ADGB: variants seen among roughly 807,000 people sequenced by gnomAD.
ADGB encodes calpain-7-like protein.
In ADGB, 172 loss-of-function variants were observed where a neutral mutation model predicts 210.5. The ratio of observed to expected loss-of-function variants is 0.82; its 90% confidence interval spans 0.72 to 0.93. The LOEUF is 0.93. Ranked by LOEUF, ADGB falls within the 40% of genes least tolerant of loss-of-function variation. The probability of loss-of-function intolerance (pLI) is 0.00; values close to 1 mark genes in which losing one functional copy is unlikely to be tolerated. For synonymous variants in ADGB, 658 were observed against 662.7 expected, an observed-to-expected ratio of 0.99 and a Z score of 0.11; for missense variants, 2,025 against 1,964.8, an observed-to-expected ratio of 1.03 and a Z score of -0.58.
intron 27 of ADGB, among the ~76,000 whole-genome samples, chr6:146,754,244 TTC>T (rs1456900781): frequency 6.6e-6 from 1 of 151,328 alleles, no homozygotes; most frequent in African/African-American, 2.4e-5. Flanking sequence ...ATATAATGTA[TTC>T]TTTTTTATTT....
intron 5 of ADGB, among the ~76,000 whole-genome samples, chr6:146,663,196 T>C (rs1246825579): frequency 7.0e-6 from 1 of 143,056 alleles, no homozygotes; most frequent in Non-Finnish European, 1.5e-5. Flanking sequence ...TATAATAATA[T>C]TAAGGTTTTT....
intron 28 of ADGB, among the ~76,000 whole-genome samples, chr6:146,767,416 A>G (rs533006760): frequency 5.9e-5 from 9 of 152,352 alleles, no homozygotes; most frequent in South Asian, 2.1e-4. Context: ...CTTACTTATT[A>G]CTTACTATGC....
At chr6:146,791,914 C>A (rs938526612) in intron 33 of ADGB, among the ~76,000 whole-genome samples, 1 of 144,708 alleles carries the variant, frequency 6.9e-6, no homozygotes, top group South Asian at 2.2e-4. Flanking sequence ...TGTGCCACTG[C>A]ACCTTGCTTT....
rs1268488296 is a variant in ADGB at position 146,716,801 on chromosome 6, TAA to T, written c.1742-81_1742-80del. ...TTTCCCAAAAATAGACTTTGATATTTAAGTTTCCCTTTATCATTTTACATATT... is the reference window on the plus strand; with the variant it reads ...TTTCCCAAAAATAGACTTTGATATTTGTTTCCCTTTATCATTTTACATATT... On this transcript the variant is annotated intron_variant, in intron 14 of 35. Coordinates refer to ENST00000397944, the MANE Select transcript of ADGB (RefSeq NM_024694.4). The T allele has an allele frequency of 2.3e-6, 3 of 1,319,444 alleles. No homozygotes were observed. In the African/African-American group the frequency reaches 4.5e-5, roughly 20 times the overall value. The allele number at this position is 1,319,444 out of a possible 1,614,324, so 81.7% of individuals were successfully genotyped here.
At chr6:146,688,524 C>T (rs909594159) in intron 10 of ADGB, among the ~76,000 whole-genome samples, 1 of 152,064 alleles carries the variant, frequency 6.6e-6, no homozygotes, top group Non-Finnish European at 1.5e-5. Flanking sequence ...GGGGAGAAGA[C>T]TTAAAGGCAG....
chr6:146,722,662 T>G (rs1776838642), intron 17 of ADGB, among the ~76,000 whole-genome samples: 1 of 152,178 alleles, frequency 6.6e-6, no homozygotes. Context: ...ACATTCTCTC[T>G]CTCTTCAAAT....
chr6:146,775,398 C>T (rs1248792708), intron 29 of ADGB, among the ~76,000 whole-genome samples: 2 of 152,016 alleles, frequency 1.3e-5, no homozygotes, highest in African/African-American at 4.8e-5. Context: ...GCAACAGTGC[C>T]ACCTTTAGTA....
rs1486470997 is a variant in ADGB, at chr6:146,635,463, G to A, written c.163G>A (p.Asp55Asn). Residue 55 changes from aspartate to asparagine, a missense_variant, in exon 2 of 36, where the codon GAC becomes AAC. Asp to Asn is a conservative substitution (Grantham distance 23). Coordinates refer to ENST00000397944, the MANE Select transcript of ADGB (RefSeq NM_024694.4). ...ACTCTGGCCAGAGTGGAGTGAAGCT[G>A]ACATAAATTCAGAAAAGTGGGATGC... ...FPLWPEWSEA[D>N]INSEKWDAGK... is the part of the protein sequence containing the mutation. 2 of 1,548,232 alleles carry A rather than the reference G, an allele frequency of 1.3e-6. No individual in the cohort carries two copies. The highest frequency in any genetic ancestry group is 1.7e-6 in the Non-Finnish European group (2 of 1,145,248).
intron 13 of ADGB, among the ~76,000 whole-genome samples, chr6:146,714,315 G>GT (rs61107324): frequency 1.3e-3 from 188 of 146,000 alleles, no homozygotes; most frequent in Middle Eastern, 3.6e-3. Context: ...TGTGCATCTT[G>GT]TTTTTTTTTT....
intron 2 of ADGB, among the ~76,000 whole-genome samples, chr6:146,635,823 C>T (rs187127488): frequency 7.2e-5 from 11 of 151,848 alleles, no homozygotes; most frequent in South Asian, 2.1e-4. Context: ...GTTAGCCAGT[C>T]GACATTGGAC....
In ADGB at chr6:146,770,560, A is replaced by G. The variant is rs567368893; in HGVS notation, c.3862+1429A>G. On this transcript the variant is annotated intron_variant, in intron 29 of 35. Transcript: ENST00000397944. The stretch of plus-strand genomic sequence containing the variant: ...TCTCTAGCACTAGTGGGAGATGTCA[A>G]TAAGTGTTTAATGAATGAATGCATG... 5.2e-4 allele frequency: 246 copies of G among 469,696 alleles called. 3 individuals carry two copies. Among genetic ancestry groups the G allele is most frequent in the South Asian group, 3.3e-3 (214 of 64,426 alleles). The allele number at this position is 469,696 out of a possible 1,614,324, so 29.1% of individuals were successfully genotyped here. A position where few individuals can be genotyped will look rare whatever the true frequency, so the allele number is the denominator to read the frequency against.
At chr6:146,684,218 G>A (rs1034002425) in intron 9 of ADGB, among the ~76,000 whole-genome samples, 1 of 152,006 alleles carries the variant, frequency 6.6e-6, no homozygotes, top group African/African-American at 2.4e-5. Flanking sequence ...CTTGAACCTG[G>A]AAAGTACATT....
intron 1 of ADGB, among the ~76,000 whole-genome samples, chr6:146,600,853 G>C (rs1780544514): frequency 6.6e-6 from 1 of 151,292 alleles, no homozygotes; most frequent in African/African-American, 2.4e-5. Flanking sequence ...TTTAGTGAAT[G>C]AATGAATGAC....
chr6:146,686,104 A>ATCTT (rs2114916847), intron 10 of ADGB, among the ~76,000 whole-genome samples: 1 of 152,198 alleles, frequency 6.6e-6, no homozygotes, highest in South Asian at 2.1e-4. Context: ...TTCTGTTATA[A>ATCTT]TCAAAAAGAA....
intron 26 of ADGB, among the ~76,000 whole-genome samples, chr6:146,746,569 A>G (rs1777241383): frequency 6.6e-6 from 1 of 152,088 alleles, no homozygotes; most frequent in Non-Finnish European, 1.5e-5. Context: ...TCTTCAGTCT[A>G]TACAATTGTT....
intron 1 of ADGB, among the ~76,000 whole-genome samples, chr6:146,606,579 A>G (rs1010873993): frequency 6.6e-6 from 1 of 152,184 alleles, no homozygotes; most frequent in African/African-American, 2.4e-5. Context: ...CTTTACGTAT[A>G]TAGTGAAAGG....
intron 27 of ADGB, among the ~76,000 whole-genome samples, chr6:146,763,271 A>AT (rs1317921636): frequency 6.6e-6 from 1 of 152,124 alleles, no homozygotes; most frequent in Non-Finnish European, 1.5e-5. Flanking sequence ...CATTTTTATC[A>AT]TTTTTTGTGG....
intron 1 of ADGB, among the ~76,000 whole-genome samples, chr6:146,622,540 C>T (rs1305999878): frequency 6.6e-6 from 1 of 152,104 alleles, no homozygotes; most frequent in Non-Finnish European, 1.5e-5. Context: ...AGATACTCTA[C>T]ATGCCACACA....
intron 15 of ADGB, 51 bp from the exon 16 acceptor site, chr6:146,717,482 GTAC>G: frequency 2.1e-6 from 2 of 950,248 alleles, no homozygotes; most frequent in Non-Finnish European, 3.1e-6. Flanking sequence ...TTAACATGTA[GTAC>G]TAGTCTTTGC....
Sources: allele counts gnomAD v4.1 joint callset (sites outside exome capture counted in the v4.1 genomes callset), GRCh38; gene constraint gnomAD v4.1.1; transcripts MANE v1.5; gene names NCBI Gene and HGNC (gene_info 2026-07-23, HGNC 2026-07-21).